The following RGS6 variants were observed in gnomAD, a reference collection of about 807,000 sequenced individuals.
RGS6 encodes regulator of G protein signaling 6, also known as regulator of G-protein signaling 6.
Under a neutral mutation model 78.5 loss-of-function variants are expected in RGS6, and 30 were observed. The ratio of observed to expected loss-of-function variants is 0.38; its 90% confidence interval spans 0.29 to 0.52. RGS6 has a LOEUF of 0.52. Ranked by LOEUF, RGS6 falls within the 20% of genes least tolerant of loss-of-function variation. The probability of loss-of-function intolerance (pLI) is 0.85; values close to 1 mark genes in which losing one functional copy is unlikely to be tolerated. For missense variants in RGS6, 495 were observed against 609.7 expected (o/e 0.81, Z 1.98); for synonymous variants, 206 against 206.0 (o/e 1.00, Z 0.00).
chr14:72,292,338 C>G (rs1307101861), intron 2 of RGS6, among the ~76,000 whole-genome samples: 1 of 152,212 alleles, frequency 6.6e-6, no homozygotes, highest in African/African-American at 2.4e-5. Context: ...GCTGATCACA[C>G]ACAGCCAGAA....
rs534836438 is a variant in RGS6 at position 72,311,316 on chromosome 14, C to T, written c.85-40779C>T. 1.4e-4 allele frequency among the ~76,000 whole-genome samples: 21 copies of T among 152,312 alleles called. No homozygotes were observed. The East Asian group carries it at 3.9e-3, about 28-fold the overall frequency. On this transcript the variant is annotated intron_variant, in intron 2 of 17. Transcript: ENST00000553525. ...TTATGTGACTATGTGATTTTTATCA[C>T]ACAATCTCAGATTCTTACATTTTTT... is the stretch of plus-strand genomic sequence containing the variant.
chr14:71,875,047 G>T, the RGS6 span, among the ~76,000 whole-genome samples: 1 of 152,288 alleles, frequency 6.6e-6, no homozygotes, highest in East Asian at 1.9e-4. Flanking sequence ...CGGTTTGCCA[G>T]TATTTTATTA....
At chr14:72,330,782 G>C (rs1394577268) in intron 2 of RGS6, among the ~76,000 whole-genome samples, 1 of 152,104 alleles carries the variant, frequency 6.6e-6, no homozygotes, top group Non-Finnish European at 1.5e-5. Flanking sequence ...ATTCATTATC[G>C]TAACACTGGG....
At chr14:72,248,859 C>T (rs2054902488) in intron 2 of RGS6, among the ~76,000 whole-genome samples, 1 of 152,224 alleles carries the variant, frequency 6.6e-6, no homozygotes, top group African/African-American at 2.4e-5. Flanking sequence ...ATGAGCACTG[C>T]TCCACTTTGC....
chr14:72,520,951 A>C (rs2097029436), intron 15 of RGS6, among the ~76,000 whole-genome samples: 2 of 152,220 alleles, frequency 1.3e-5, no homozygotes, highest in African/African-American at 4.8e-5. Flanking sequence ...TGTTTCTCCA[A>C]GGATCCCTGA....
At chr14:72,595,807 T>A in the RGS6 span, among the ~76,000 whole-genome samples, 1 of 152,240 alleles carries the variant, frequency 6.6e-6, no homozygotes, top group South Asian at 2.1e-4. Flanking sequence ...TTTACCCTTT[T>A]CCACACCACC....
chr14:71,978,923 T>G (rs1474276144), intron 2 of RGS6, among the ~76,000 whole-genome samples: 1 of 145,332 alleles, frequency 6.9e-6, no homozygotes, highest in Non-Finnish European at 1.5e-5. Context: ...AGCTATTGAT[T>G]ATTGCCACAA....
chr14:72,490,081 G>A (rs2096557819), intron 12 of RGS6, among the ~76,000 whole-genome samples: 1 of 152,104 alleles, frequency 6.6e-6, no homozygotes, highest in Admixed American at 6.5e-5. Flanking sequence ...TCTTGATATG[G>A]TTTGCCTGTG....
chr14:72,218,356 T>G (rs1315833389), intron 2 of RGS6, among the ~76,000 whole-genome samples: 1 of 151,362 alleles, frequency 6.6e-6, no homozygotes, highest in Non-Finnish European at 1.5e-5. Flanking sequence ...TAGCAGACAC[T>G]GACTCACTGT....
downstream of RGS6, among the ~76,000 whole-genome samples, chr14:72,567,200 G>A (rs542614420): frequency 2.0e-5 from 3 of 152,290 alleles, no homozygotes; most frequent in Admixed American, 2.0e-4. Flanking sequence ...AGCTAGAAGG[G>A]AACCAACTCA....
chr14:72,372,466 A>G (rs1451059978), intron 3 of RGS6, among the ~76,000 whole-genome samples: 1 of 152,224 alleles, frequency 6.6e-6, no homozygotes, highest in African/African-American at 2.4e-5. Flanking sequence ...CTCAGATAAT[A>G]TGCCCCTAGA....
chr14:72,248,887 G>C (rs1267894579), intron 2 of RGS6, among the ~76,000 whole-genome samples: 1 of 152,096 alleles, frequency 6.6e-6, no homozygotes, highest in Non-Finnish European at 1.5e-5. Context: ...AATCTGGCTG[G>C]GATCTTTTTC....
chr14:72,129,645 C>T (rs1304781875), intron 2 of RGS6, among the ~76,000 whole-genome samples: 3 of 152,164 alleles, frequency 2.0e-5, no homozygotes, highest in Non-Finnish European at 4.4e-5. Flanking sequence ...GGGCTGTCTC[C>T]TTCTCAGGGC....
At chr14:72,584,452 T>G in the RGS6 span, among the ~76,000 whole-genome samples, 1 of 152,302 alleles carries the variant, frequency 6.6e-6, no homozygotes, top group East Asian at 1.9e-4. Flanking sequence ...ATGGCTACTT[T>G]AGATTGGGTG....
Position 72,212,460 on chromosome 14 carries a change from G to A in RGS6, c.85-139635G>A, listed in dbSNP as rs1018598666. Among the ~76,000 whole-genome samples the A allele has an allele frequency of 5.3e-5, 8 of 152,278 alleles. No individual in the cohort carries two copies. The South Asian group carries it at 8.3e-4, about 16-fold the overall frequency. ...ATTTATGAGGGGCCATGAAGGCAGT[G>A]TTTTTGTCCATGGGAGCTGTGATTA... On this transcript the variant is annotated intron_variant, in intron 2 of 17. Coordinates refer to ENST00000553525, the MANE Select transcript of RGS6 (RefSeq NM_001204424.2).
intron 2 of RGS6, among the ~76,000 whole-genome samples, chr14:72,159,969 C>T (rs2096829833): frequency 1.3e-5 from 2 of 152,144 alleles, no homozygotes; most frequent in South Asian, 4.1e-4. Flanking sequence ...AGGTACTTTA[C>T]AAAATTATTT....
At chr14:72,434,873 C>T (rs183294940) in intron 3 of RGS6, among the ~76,000 whole-genome samples, 1 of 151,946 alleles carries the variant, frequency 6.6e-6, no homozygotes, top group African/African-American at 2.4e-5. Flanking sequence ...GATGATCTAT[C>T]TGCAATCTCT....
the RGS6 span, chr14:72,612,747 T>C: frequency 7.3e-5 from 28 of 383,488 alleles, no homozygotes; most frequent in South Asian, 5.2e-4. Context: ...TACCCAACTA[T>C]TGCCAAATAT....
chr14:72,156,453 CAAAAAAAAAAA>C (rs11332387), intron 2 of RGS6, among the ~76,000 whole-genome samples: 7 of 76,778 alleles, frequency 9.1e-5, no homozygotes, highest in African/African-American at 2.8e-4. Context: ...GACTCCATCT[CAAAAAAAAAAA>C]AAAAAAAAAA....
Sources: gnomAD v4.1 joint callset for allele counts (sites outside exome capture counted in the v4.1 genomes callset) on GRCh38, gnomAD v4.1.1 for gene constraint, MANE v1.5 for transcripts, NCBI Gene and HGNC (gene_info 2026-07-23, HGNC 2026-07-21) for gene names.